VRK2: variants seen among roughly 807,000 people sequenced by gnomAD.
The protein encoded by VRK2 is VRK serine/threonine kinase 2.
In VRK2, 60 loss-of-function variants were observed where a neutral mutation model predicts 57.6. The observed-to-expected ratio is 1.04, with a 90% confidence interval of 0.85 to 1.29. The LOEUF is 1.29. Among genes scored for constraint, VRK2 ranks in the 50% most tolerant of loss-of-function variants. VRK2 has a pLI of 0.00. For missense variants in VRK2, 705 were observed against 588.1 expected, an observed-to-expected ratio of 1.20 and a Z score of -2.06; for synonymous variants, 231 against 199.2, an observed-to-expected ratio of 1.16 and a Z score of -1.35.
chr2:58,045,096 A>G (rs139817643), upstream of VRK2, among the ~76,000 whole-genome samples: 26 of 152,366 alleles, frequency 1.7e-4, no homozygotes, highest in African/African-American at 5.5e-4. Context: ...GTAAATTGGA[A>G]TAACACTGAA....
chr2:58,028,651 C>G (rs1054700569), intron 2 of VRK2, among the ~76,000 whole-genome samples: 2 of 151,212 alleles, frequency 1.3e-5, no homozygotes, highest in African/African-American at 4.9e-5. Context: ...AAACCAAACA[C>G]TGCATGTTCT....
intron 1 of VRK2, among the ~76,000 whole-genome samples, chr2:57,919,081 A>G (rs747970217): frequency 6.6e-6 from 1 of 152,092 alleles, no homozygotes; most frequent in East Asian, 1.9e-4. Context: ...ATTCATCAAG[A>G]CTGTTCTGCA....
chr2:58,015,067 A>C (rs945269914), intron 1 of VRK2, among the ~76,000 whole-genome samples: 2 of 152,112 alleles, frequency 1.3e-5, no homozygotes, highest in Non-Finnish European at 2.9e-5. Flanking sequence ...GCACTAATAC[A>C]GAAGTTATAC....
chr2:57,944,554 G>T (rs1201483426), intron 1 of VRK2, among the ~76,000 whole-genome samples: 3 of 152,180 alleles, frequency 2.0e-5, no homozygotes, highest in Non-Finnish European at 2.9e-5. Context: ...GGCTAACACG[G>T]TGAAACCCCG....
intron 1 of VRK2, among the ~76,000 whole-genome samples, chr2:57,963,535 T>A (rs1450500595): frequency 3.3e-5 from 5 of 152,192 alleles, no homozygotes; most frequent in African/African-American, 1.2e-4. Context: ...TTAAAAAAAA[T>A]TCTTGACACA....
chr2:58,121,342 A>G (rs1311673660), intron 7 of VRK2, among the ~76,000 whole-genome samples: 1 of 152,162 alleles, frequency 6.6e-6, no homozygotes, highest in African/African-American at 2.4e-5. Flanking sequence ...AATTATCAGT[A>G]TGTTCATTTT....
chr2:58,072,743 GT>G (rs1258897131), intron 2 of VRK2, among the ~76,000 whole-genome samples: 2 of 151,656 alleles, frequency 1.3e-5, no homozygotes, highest in Admixed American at 1.3e-4. Flanking sequence ...TTTTTATCTG[GT>G]TTTGTTATTA....
At chr2:58,084,646 T>C (rs547769502) in intron 3 of VRK2, among the ~76,000 whole-genome samples, 22 of 152,032 alleles carry the variant, frequency 1.4e-4, no homozygotes, top group African/African-American at 4.8e-4. Flanking sequence ...ACTACTTTTA[T>C]GTGTAAGACT....
chr2:57,908,358 G>A (rs1423766452), intron 1 of VRK2, among the ~76,000 whole-genome samples: 2 of 151,950 alleles, frequency 1.3e-5, no homozygotes, highest in Non-Finnish European at 2.9e-5. Context: ...TCTGAAATTG[G>A]CAGCTGTGAC....
At chr2:58,114,154 A>C (rs1676050385) in intron 7 of VRK2, among the ~76,000 whole-genome samples, 1 of 152,166 alleles carries the variant, frequency 6.6e-6, no homozygotes, top group African/African-American at 2.4e-5. Flanking sequence ...GAATAAGAGA[A>C]GGAGAAAAAC....
At chr2:57,991,731 C>G (rs1490201655) in intron 1 of VRK2, among the ~76,000 whole-genome samples, 2 of 150,530 alleles carry the variant, frequency 1.3e-5, no homozygotes, top group Admixed American at 1.3e-4. Flanking sequence ...AGGCGGATCA[C>G]GAGGTCTAGA....
intron 2 of VRK2, among the ~76,000 whole-genome samples, chr2:58,067,456 A>G (rs1020646036): frequency 6.6e-6 from 1 of 152,124 alleles, no homozygotes; most frequent in Non-Finnish European, 1.5e-5. Context: ...TTATATTTAA[A>G]TGTAATTAGG....
intron 2 of VRK2, among the ~76,000 whole-genome samples, chr2:58,059,510 G>C (rs1677021847): frequency 6.6e-6 from 1 of 151,750 alleles, no homozygotes; most frequent in Admixed American, 6.6e-5. Flanking sequence ...AGAAAAGTAG[G>C]CCTTTTAAAG....
chr2:58,027,879 C>A (rs1236066501), intron 2 of VRK2, among the ~76,000 whole-genome samples: 1 of 151,886 alleles, frequency 6.6e-6, no homozygotes, highest in Non-Finnish European at 1.5e-5. Flanking sequence ...ATGAATATAG[C>A]CAAAATTTTT....
At chr2:58,038,148 G>A (rs1485743764) in intron 3 of VRK2, among the ~76,000 whole-genome samples, 2 of 152,104 alleles carry the variant, frequency 1.3e-5, no homozygotes, top group African/African-American at 4.8e-5. Context: ...TAATCCTCAG[G>A]TGTTGAGGGA....
At chr2:58,052,755 A>C (rs954429130) in intron 2 of VRK2, among the ~76,000 whole-genome samples, 1 of 152,158 alleles carries the variant, frequency 6.6e-6, no homozygotes, top group Admixed American at 6.5e-5. Context: ...TCAGCATAAG[A>C]CTTTATGACA....
intron 1 of VRK2, among the ~76,000 whole-genome samples, chr2:57,909,516 G>T (rs1669923205): frequency 6.6e-6 from 1 of 151,892 alleles, no homozygotes; most frequent in Non-Finnish European, 1.5e-5. Flanking sequence ...CATATAAACT[G>T]ATATAGTACT....
chr2:58,055,009 G>A (rs1186858444), intron 2 of VRK2, among the ~76,000 whole-genome samples: 1 of 152,114 alleles, frequency 6.6e-6, no homozygotes, highest in Non-Finnish European at 1.5e-5. Flanking sequence ...TAATACTTGA[G>A]GGAAATATTC....
rs961377562 is a variant in VRK2, at chr2:57,916,763, A to G, written c.-439+8924A>G. Among the ~76,000 whole-genome samples the G allele has an allele frequency of 7.9e-5, 12 of 152,176 alleles. 1 individual carries two copies. Among genetic ancestry groups the G allele is most frequent in the Non-Finnish European group, 1.5e-4 (10 of 68,016 alleles). Reference sequence around the variant, plus strand: ...TACTAAGTCAGAGTAGAGAAAAGCCATTTACAGAAGTGTGGAGTGACTGTC... The same window carrying G: ...TACTAAGTCAGAGTAGAGAAAAGCCGTTTACAGAAGTGTGGAGTGACTGTC... On this transcript the variant is annotated intron_variant, in intron 1 of 15. Transcript: ENST00000417641.
Sources: gnomAD v4.1 joint callset for allele counts (sites outside exome capture counted in the v4.1 genomes callset) on GRCh38, gnomAD v4.1.1 for gene constraint, MANE v1.5 for transcripts, NCBI Gene and HGNC (gene_info 2026-07-23, HGNC 2026-07-21) for gene names.